The following MKLN1 variants were observed in gnomAD, a reference collection of about 807,000 sequenced individuals.
The protein encoded by MKLN1 is muskelin.
In MKLN1, 18 loss-of-function variants were observed where a neutral mutation model predicts 99.0. That is an observed-to-expected ratio of 0.18 (90% CI 0.13 to 0.27). The LOEUF (loss-of-function observed/expected upper bound fraction) is 0.27, where lower values mean the gene tolerates loss of function less well. Ranked by LOEUF, MKLN1 falls within the 10% of genes least tolerant of loss-of-function variation. The probability of loss-of-function intolerance (pLI) is 1.00; values close to 1 mark genes in which losing one functional copy is unlikely to be tolerated. For synonymous variants in MKLN1, 288 were observed against 293.2 expected (o/e 0.98, Z 0.18); for missense variants, 621 against 875.9 (o/e 0.71, Z 3.67).
upstream of MKLN1, among the ~76,000 whole-genome samples, chr7:131,325,905 G>A (rs868329925): frequency 1.3e-5 from 2 of 149,444 alleles, no homozygotes; most frequent in African/African-American, 2.4e-5. Context: ...AAAAGTGGGG[G>A]GGGGGTGGTG....
At chr7:131,238,594 C>T (rs1454306486) in intron 3 of MKLN1, among the ~76,000 whole-genome samples, 1 of 152,212 alleles carries the variant, frequency 6.6e-6, no homozygotes, top group Non-Finnish European at 1.5e-5. Context: ...AGGTTGCTGT[C>T]TGTGTTAATG....
intron 3 of MKLN1, among the ~76,000 whole-genome samples, chr7:131,290,248 T>G (rs1170827591): frequency 6.6e-6 from 1 of 152,206 alleles, no homozygotes; most frequent in Admixed American, 6.5e-5. Context: ...GAGGTTGCAG[T>G]GAGCCGAGAT....
intron 3 of MKLN1, among the ~76,000 whole-genome samples, chr7:131,302,587 C>A (rs1025899310): frequency 6.6e-6 from 1 of 152,176 alleles, no homozygotes; most frequent in Non-Finnish European, 1.5e-5. Flanking sequence ...TGCAAAGCAA[C>A]CCCCAGCAGT....
At chr7:131,272,305 T>A (rs533013088) in intron 3 of MKLN1, among the ~76,000 whole-genome samples, 9 of 152,248 alleles carry the variant, frequency 5.9e-5, no homozygotes, top group Non-Finnish European at 1.0e-4. Flanking sequence ...CCAAGGCATA[T>A]CAGGCAAAGC....
At chr7:131,261,885 A>G (rs921032276) in intron 3 of MKLN1, among the ~76,000 whole-genome samples, 6 of 152,226 alleles carry the variant, frequency 3.9e-5, no homozygotes, top group Admixed American at 3.9e-4. Flanking sequence ...TAAGCGAACT[A>G]TTAATAACAT....
chr7:131,325,286 G>A (rs1798861868), upstream of MKLN1, among the ~76,000 whole-genome samples: 1 of 152,030 alleles, frequency 6.6e-6, no homozygotes, highest in African/African-American at 2.4e-5. Context: ...AGATAAAGAG[G>A]GAAACTTAGA....
chr7:131,293,189 G>C (rs10229193), intron 3 of MKLN1, among the ~76,000 whole-genome samples: 2 of 152,004 alleles, frequency 1.3e-5, no homozygotes, highest in Admixed American at 1.3e-4. Context: ...AGTGTGAGAG[G>C]CTAATGGAAC....
At chr7:131,305,211 G>A (rs1798436239) in intron 3 of MKLN1, among the ~76,000 whole-genome samples, 1 of 152,146 alleles carries the variant, frequency 6.6e-6, no homozygotes, top group Non-Finnish European at 1.5e-5. Context: ...ACCTTAAATA[G>A]CATAGCAACC....
Position 131,375,492 on chromosome 7 carries a change from A to G in MKLN1, c.167A>G (p.Gln56Arg). The change falls in exon 2 of 18, where the codon CAG becomes CGG. Residue 56 changes from glutamine (Q) to arginine (R), a missense_variant and splice_region_variant. Physicochemically the swap from Gln to Arg is conservative, Grantham distance 43. Transcript: ENST00000352689. Reference protein sequence around the residue: ...RWSSESNYPPQYLILKLERPA... With the variant: ...RWSSESNYPPRYLILKLERPA... ...TCTTCAGAGAGCAACTATCCTCCCC[A>G]GGTAAGATTACATGTATCCCTTAAT... 6.3e-7 allele frequency: 1 copy of G among 1,596,456 alleles called. No individual in the cohort carries two copies. The highest frequency in any genetic ancestry group is 1.1e-5 in the South Asian group (1 of 90,750).
intron 1 of MKLN1, among the ~76,000 whole-genome samples, chr7:131,131,634 C>T (rs553993978): frequency 3.3e-5 from 5 of 152,148 alleles, no homozygotes; most frequent in Non-Finnish European, 7.4e-5. Context: ...AGCTCAGATT[C>T]GGTCACAGAA....
chr7:131,478,502 A>G, intron 16 of MKLN1, 121 bp from the exon 17 acceptor site: 1 of 973,086 alleles, frequency 1.0e-6, no homozygotes, highest in Non-Finnish European at 1.4e-6. Context: ...GACCTATGTC[A>G]CACATATGCA....
intron 2 of MKLN1, among the ~76,000 whole-genome samples, chr7:131,146,891 G>A (rs1408674474): frequency 6.6e-6 from 1 of 152,122 alleles, no homozygotes; most frequent in Non-Finnish European, 1.5e-5. Flanking sequence ...TGTCAGTGGG[G>A]GAGAAGACAG....
At chr7:131,168,576 C>CTATTA (rs1385991730) in intron 2 of MKLN1, among the ~76,000 whole-genome samples, 1 of 152,082 alleles carries the variant, frequency 6.6e-6, no homozygotes, top group Non-Finnish European at 1.5e-5. Flanking sequence ...TTACCACCAC[C>CTATTA]TGACATATTA....
At chr7:131,175,181 TAGAC>T (rs1300695137) in intron 2 of MKLN1, among the ~76,000 whole-genome samples, 25 of 88,512 alleles carry the variant, frequency 2.8e-4, no homozygotes, top group African/African-American at 4.6e-4. Flanking sequence ...ATTAGATAGA[TAGAC>T]AGATAGATAG....
At position 131,133,819 on chromosome 7, in the gene MKLN1, G is replaced by GTTTTTTTTTTTTTT. The variant is rs1563226557; in HGVS notation, c.-418-9001_-418-9000insTTTTTTTTTTTTTT. On this transcript the variant is annotated intron_variant, in intron 1 of 7. Coordinates refer to the MKLN1 transcript ENST00000416992. ...ACTTCTTTTTTTTTTTTTTTAATTT[G>GTTTTTTTTTTTTTT]GTTTTTTTTTTTTTTTTTTTTTTTT... Among the ~76,000 whole-genome samples, 3 of 67,236 alleles carry GTTTTTTTTTTTTTT rather than the reference G, an allele frequency of 4.5e-5. 1 individual carries two copies. The highest frequency in any genetic ancestry group is 9.3e-5 in the Non-Finnish European group (3 of 32,200). 44.1% of individuals were successfully genotyped at this position (67,236 alleles called of 152,430 possible).
At chr7:131,231,679 T>A (rs2116475746) in intron 3 of MKLN1, among the ~76,000 whole-genome samples, 1 of 152,214 alleles carries the variant, frequency 6.6e-6, no homozygotes, top group East Asian at 1.9e-4. Flanking sequence ...TTTGGATGGG[T>A]GGCTAGATGT....
At chr7:131,355,612 T>A (rs746084672) in intron 1 of MKLN1, among the ~76,000 whole-genome samples, 1 of 131,666 alleles carries the variant, frequency 7.6e-6, no homozygotes, top group Non-Finnish European at 1.6e-5. Context: ...AAGGCTCTGA[T>A]TTCTTTAACT....
At chr7:131,335,055 G>A (rs574849191) in intron 1 of MKLN1, among the ~76,000 whole-genome samples, 2 of 152,214 alleles carry the variant, frequency 1.3e-5, no homozygotes, top group African/African-American at 2.4e-5. Context: ...GGCTGGTTCT[G>A]TAGATTGTTG....
chr7:131,253,001 T>C (rs17165508), intron 3 of MKLN1, among the ~76,000 whole-genome samples: 27,721 of 152,164 alleles, frequency 0.18, 2,763 homozygotes, highest in Middle Eastern at 0.27. Context: ...AAGATCCTAT[T>C]AGGAGATGAT....
Sources: gnomAD v4.1 joint callset for allele counts (sites outside exome capture counted in the v4.1 genomes callset) on GRCh38, gnomAD v4.1.1 for gene constraint, MANE v1.5 for transcripts, NCBI Gene and HGNC (gene_info 2026-07-23, HGNC 2026-07-21) for gene names.